Variants in SLC35A1 observed in about 807,000 individuals in gnomAD.
The protein encoded by SLC35A1 is CMP-sialic acid transporter.
In SLC35A1, 21 loss-of-function variants were observed where a neutral mutation model predicts 40.3. That is an observed-to-expected ratio of 0.52 (90% CI 0.37 to 0.75). SLC35A1 has a LOEUF of 0.75. SLC35A1 is among the 30% of genes least tolerant of loss of function. The pLI, the probability that SLC35A1 is intolerant of heterozygous loss-of-function variation, is 0.00. For missense variants in SLC35A1, 297 were observed against 382.1 expected (o/e 0.78, Z 1.86); for synonymous variants, 146 against 147.3 (o/e 0.99, Z 0.06).
intron 7 of SLC35A1, among the ~76,000 whole-genome samples, chr6:87,510,525 T>A (rs750847093): frequency 6.6e-6 from 1 of 152,140 alleles, no homozygotes; most frequent in Non-Finnish European, 1.5e-5. Flanking sequence ...CATATAAATA[T>A]ATTTATTTGT....
chr6:87,483,058 G>A (rs1326483388), intron 2 of SLC35A1, among the ~76,000 whole-genome samples: 2 of 152,088 alleles, frequency 1.3e-5, no homozygotes, highest in Non-Finnish European at 2.9e-5. Flanking sequence ...GGTGGTATTG[G>A]AGTGTTATAG....
chr6:87,476,791 G>A (rs140366385), intron 1 of SLC35A1, among the ~76,000 whole-genome samples: 4 of 150,912 alleles, frequency 2.7e-5, no homozygotes, highest in African/African-American at 7.3e-5. Context: ...TTCAGGAGGC[G>A]GAGGTGGGCG....
intron 5 of SLC35A1, 97 bp from the exon 6 acceptor site, chr6:87,508,323 T>C (rs1238060324): frequency 1.2e-6 from 1 of 813,766 alleles, no homozygotes; most frequent in Admixed American, 2.5e-5. Context: ...CCCCAAATCA[T>C]ATACTTTATA....
At chr6:87,506,299 G>T (rs1770080362) in intron 4 of SLC35A1, 83 bp from the exon 5 acceptor site, 1 of 1,061,718 alleles carries the variant, frequency 9.4e-7, no homozygotes, top group South Asian at 1.3e-5. Context: ...GACTGTAACA[G>T]GTTTTTGTAT....
At chr6:87,499,373 G>T (rs13193193) in intron 2 of SLC35A1, among the ~76,000 whole-genome samples, 1 of 152,148 alleles carries the variant, frequency 6.6e-6, no homozygotes, top group South Asian at 2.1e-4. Context: ...TAAGGATATC[G>T]TGAGCTGCAG....
chr6:87,496,664 C>A (rs967813263), intron 2 of SLC35A1, among the ~76,000 whole-genome samples: 1 of 151,392 alleles, frequency 6.6e-6, no homozygotes, highest in African/African-American at 2.4e-5. Context: ...CCTGTACTCC[C>A]ACTTACTTGG....
intron 2 of SLC35A1, chr6:87,499,020 G>T: frequency 2.3e-6 from 1 of 439,846 alleles, no homozygotes; most frequent in Non-Finnish European, 3.0e-6. Flanking sequence ...ACTTAACACT[G>T]TGGTGTGGGT....
intron 2 of SLC35A1, among the ~76,000 whole-genome samples, chr6:87,498,514 C>T (rs1427532317): frequency 6.6e-6 from 1 of 152,064 alleles, no homozygotes; most frequent in Non-Finnish European, 1.5e-5. Flanking sequence ...TGGCTCATGC[C>T]TGTAATTCCA....
intron 7 of SLC35A1, among the ~76,000 whole-genome samples, chr6:87,510,432 C>T (rs1770228152): frequency 2.0e-5 from 3 of 152,088 alleles, no homozygotes; most frequent in South Asian, 2.1e-4. Flanking sequence ...TGTTTAGATA[C>T]AAGTTTTTAT....
chr6:87,498,205 C>G (rs1769800745), intron 2 of SLC35A1, among the ~76,000 whole-genome samples: 1 of 152,100 alleles, frequency 6.6e-6, no homozygotes, highest in Non-Finnish European at 1.5e-5. Context: ...CAAACAGCCA[C>G]CTCTCAGCAG....
At position 87,509,182 on chromosome 6, in the gene SLC35A1, C is replaced by G. The variant is rs373305215; in HGVS notation, c.886+7C>G. 6.2e-7 allele frequency: 1 copy of G among 1,613,988 alleles called. No homozygotes were observed. Among genetic ancestry groups the G allele is most frequent in the South Asian group, 1.1e-5 (1 of 91,086 alleles). On this transcript the variant is annotated splice_region_variant and intron_variant, in intron 7 of 7. Transcript: ENST00000369552. Reference sequence around the variant, plus strand: ...CTGTTTGGATTACAGATAAGTATGTCTTAGTTTGTGTTGAGTTTTTAACAT... The same window carrying G: ...CTGTTTGGATTACAGATAAGTATGTGTTAGTTTGTGTTGAGTTTTTAACAT...
chr6:87,510,701 C>T (rs1016732087), intron 7 of SLC35A1, among the ~76,000 whole-genome samples: 9 of 151,888 alleles, frequency 5.9e-5, no homozygotes, highest in African/African-American at 2.2e-4. Flanking sequence ...GTGGAGAAAT[C>T]CTGTCTCTAC....
chr6:87,497,224 T>C (rs545984702), intron 2 of SLC35A1, among the ~76,000 whole-genome samples: 13 of 151,570 alleles, frequency 8.6e-5, no homozygotes, highest in Non-Finnish European at 1.9e-4. Context: ...TTTCAAAATA[T>C]CTTATGTAAC....
intron 4 of SLC35A1, 39 bp from the exon 5 acceptor site, chr6:87,506,340 TTTA>T: frequency 6.7e-7 from 1 of 1,490,832 alleles, no homozygotes; most frequent in Middle Eastern, 1.8e-4. Flanking sequence ...ATGAACTCTG[TTTA>T]TTAGTCACTA....
At chr6:87,502,412 T>G (rs1171310361) in intron 4 of SLC35A1, among the ~76,000 whole-genome samples, 2 of 152,132 alleles carry the variant, frequency 1.3e-5, no homozygotes, top group Admixed American at 1.3e-4. Context: ...GATGCATCAT[T>G]AGGTGATTTC....
At chr6:87,489,536 T>C (rs985378217) in intron 2 of SLC35A1, among the ~76,000 whole-genome samples, 4 of 69,244 alleles carry the variant, frequency 5.8e-5, no homozygotes, top group Non-Finnish European at 1.1e-4. Flanking sequence ...AACTGTGAGC[T>C]TTTTTTTTTT....
At chr6:87,477,322 T>C (rs935834583) in intron 1 of SLC35A1, 40 bp from the exon 2 acceptor site, 2 of 1,489,114 alleles carry the variant, frequency 1.3e-6, no homozygotes, top group East Asian at 4.5e-5. Context: ...TATACATATA[T>C]TGTCTACTAA....
At chr6:87,497,064 A>G (rs1769752790) in intron 2 of SLC35A1, among the ~76,000 whole-genome samples, 1 of 152,086 alleles carries the variant, frequency 6.6e-6, no homozygotes, top group Non-Finnish European at 1.5e-5. Context: ...TAATACTGAA[A>G]TTATTTACCC....
chr6:87,480,303 C>T (rs974818993), intron 2 of SLC35A1, among the ~76,000 whole-genome samples: 2 of 152,202 alleles, frequency 1.3e-5, no homozygotes, highest in Admixed American at 1.3e-4. Context: ...TTATTCCAGG[C>T]AGTAGAATCT....
Sources: gnomAD v4.1 joint callset for allele counts (sites outside exome capture counted in the v4.1 genomes callset) on GRCh38, gnomAD v4.1.1 for gene constraint, MANE v1.5 for transcripts, NCBI Gene and HGNC (gene_info 2026-07-23, HGNC 2026-07-21) for gene names.